SLC4A4: variants seen among roughly 807,000 people sequenced by gnomAD.
The protein encoded by SLC4A4 is electrogenic sodium bicarbonate cotransporter 1.
In SLC4A4, 27 loss-of-function variants were observed where a neutral mutation model predicts 111.5. The observed-to-expected ratio is 0.24, with a 90% confidence interval of 0.18 to 0.33. SLC4A4 has a LOEUF of 0.33. SLC4A4 is among the 10% of genes least tolerant of loss of function. The pLI, the probability that SLC4A4 is intolerant of heterozygous loss-of-function variation, is 1.00. For synonymous variants in SLC4A4, 443 were observed against 463.4 expected (o/e 0.96, Z 0.57); for missense variants, 909 against 1,315.5 (o/e 0.69, Z 4.78).
intron 1 of SLC4A4, among the ~76,000 whole-genome samples, chr4:71,075,207 C>T (rs769381596): frequency 2.0e-5 from 3 of 152,134 alleles, no homozygotes; most frequent in Non-Finnish European, 4.4e-5. Context: ...AGATAAAAAT[C>T]GCAAGAATCT....
At chr4:71,322,896 C>T (rs960720364) in intron 3 of SLC4A4, among the ~76,000 whole-genome samples, 5 of 151,886 alleles carry the variant, frequency 3.3e-5, no homozygotes, top group African/African-American at 4.8e-5. Flanking sequence ...ACCCTCATCC[C>T]CATTGTTCTA....
At chr4:71,368,210 T>A (rs1731502317) in intron 6 of SLC4A4, among the ~76,000 whole-genome samples, 1 of 152,168 alleles carries the variant, frequency 6.6e-6, no homozygotes, top group Non-Finnish European at 1.5e-5. Flanking sequence ...CAGGAAGAAG[T>A]TGATGGTGTT....
At chr4:71,387,344 T>C (rs1214888341) in intron 6 of SLC4A4, among the ~76,000 whole-genome samples, 1 of 152,194 alleles carries the variant, frequency 6.6e-6, no homozygotes, top group East Asian at 1.9e-4. Context: ...CTATCTGTTC[T>C]TTTCATTGGT....
At chr4:71,319,643 A>C (rs544493103) in intron 3 of SLC4A4, among the ~76,000 whole-genome samples, 1 of 152,218 alleles carries the variant, frequency 6.6e-6, no homozygotes, top group East Asian at 1.9e-4. Flanking sequence ...CAGAATCAAT[A>C]ATACATCAGT....
chr4:71,431,878 A>G (rs940664515), intron 7 of SLC4A4, among the ~76,000 whole-genome samples: 1 of 151,364 alleles, frequency 6.6e-6, no homozygotes, highest in Non-Finnish European at 1.5e-5. Context: ...TAAAATCCTC[A>G]CTTCTTTTGG....
chr4:71,495,100 T>C (rs532371461), intron 15 of SLC4A4, among the ~76,000 whole-genome samples: 1 of 152,146 alleles, frequency 6.6e-6, no homozygotes, highest in South Asian at 2.1e-4. Flanking sequence ...AGTTTCTGGA[T>C]AGTGATACAA....
chr4:71,244,367 C>A (rs145352209), intron 2 of SLC4A4, among the ~76,000 whole-genome samples: 44 of 152,130 alleles, frequency 2.9e-4, no homozygotes, highest in African/African-American at 9.4e-4. Flanking sequence ...AGTGAGTAAC[C>A]CATCTTCTTA....
At chr4:71,254,476 C>G (rs1450870410) in intron 2 of SLC4A4, among the ~76,000 whole-genome samples, 1 of 151,938 alleles carries the variant, frequency 6.6e-6, no homozygotes, top group Non-Finnish European at 1.5e-5. Flanking sequence ...TTGCAACAAC[C>G]AGTTTTTAGA....
chr4:71,080,758 G>A (rs1205572857), intron 1 of SLC4A4, among the ~76,000 whole-genome samples: 1 of 151,958 alleles, frequency 6.6e-6, no homozygotes, highest in African/African-American at 2.4e-5. Flanking sequence ...TTTCACCTGG[G>A]TTTGTAAGCC....
chr4:71,191,293 A>G (rs1490306149), intron 1 of SLC4A4, among the ~76,000 whole-genome samples: 1 of 152,242 alleles, frequency 6.6e-6, no homozygotes, highest in Non-Finnish European at 1.5e-5. Context: ...AGTAATGTTG[A>G]AACTATGTGC....
chr4:71,571,302 T>A lies in SLC4A4; in HGVS notation c.*3551T>A, dbSNP rs1388390818. On this transcript the variant is annotated 3_prime_UTR_variant, in exon 26 of 26. Coordinates refer to ENST00000264485, the MANE Select transcript of SLC4A4 (RefSeq NM_001098484.3). The stretch of plus-strand genomic sequence containing the variant: ...ACTTAATGATTTTGGTGCAGGAACC[T>A]GAGATTTTCTGATTTATATTTCATG... The A allele has an allele frequency of 6.6e-6, 1 of 152,262 alleles. No homozygotes were observed. Among genetic ancestry groups the A allele is most frequent in the Non-Finnish European group, 1.5e-5 (1 of 67,876 alleles). The allele number at this position is 152,262 out of a possible 1,614,324, so 9.4% of individuals were successfully genotyped here.
intron 2 of SLC4A4, among the ~76,000 whole-genome samples, chr4:71,115,192 G>C (rs1366046540): frequency 2.4e-5 from 3 of 125,622 alleles, no homozygotes; most frequent in Non-Finnish European, 4.9e-5. Flanking sequence ...GTTGTGGGGT[G>C]GGGGGAGGGG....
intron 3 of SLC4A4, among the ~76,000 whole-genome samples, chr4:71,298,669 T>C (rs1242390727): frequency 1.3e-5 from 2 of 152,202 alleles, no homozygotes; most frequent in Non-Finnish European, 2.9e-5. Flanking sequence ...AAGTTTCACA[T>C]CCTGGAAAAT....
chr4:71,551,984 A>G (rs1025961804), intron 20 of SLC4A4, among the ~76,000 whole-genome samples: 8 of 151,834 alleles, frequency 5.3e-5, no homozygotes, highest in Non-Finnish European at 8.8e-5. Context: ...TTTGAATCTG[A>G]CCTTTGCAGC....
At chr4:71,117,171 A>G (rs563557447) in intron 2 of SLC4A4, among the ~76,000 whole-genome samples, 1 of 152,192 alleles carries the variant, frequency 6.6e-6, no homozygotes, top group Non-Finnish European at 1.5e-5. Flanking sequence ...ATTTAGGGAA[A>G]GAATTTTGCT....
chr4:71,213,056 C>A (rs1308202851), intron 1 of SLC4A4, among the ~76,000 whole-genome samples: 1 of 152,162 alleles, frequency 6.6e-6, no homozygotes, highest in East Asian at 1.9e-4. Context: ...ATAGGTTATA[C>A]CACATAGCCT....
chr4:71,066,621 T>C (rs750688045), intron 1 of SLC4A4, among the ~76,000 whole-genome samples: 3 of 152,218 alleles, frequency 2.0e-5, no homozygotes, highest in Non-Finnish European at 4.4e-5. Flanking sequence ...TAATTTTTCC[T>C]TGAGAAAAGA....
chr4:71,339,564 G>A, intron 4 of SLC4A4, 59 bp downstream of exon 4: 1 of 1,561,750 alleles, frequency 6.4e-7, no homozygotes, highest in Non-Finnish European at 8.8e-7. Context: ...AGGGCAAGAT[G>A]CTTGATCCTG....
chr4:71,553,321 T>C (rs1736198031), intron 20 of SLC4A4, among the ~76,000 whole-genome samples: 2 of 151,888 alleles, frequency 1.3e-5, no homozygotes, highest in Non-Finnish European at 2.9e-5. Flanking sequence ...TCTGTAATAA[T>C]AAATTCACAG....
Sources: allele counts gnomAD v4.1 joint callset (sites outside exome capture counted in the v4.1 genomes callset), GRCh38; gene constraint gnomAD v4.1.1; transcripts MANE v1.5; gene names NCBI Gene and HGNC (gene_info 2026-07-23, HGNC 2026-07-21).